OPCML: variants seen among roughly 807,000 people sequenced by gnomAD.
The protein encoded by OPCML is opioid-binding protein/cell adhesion molecule.
In OPCML, 13 loss-of-function variants were observed where a neutral mutation model predicts 37.8. That is an observed-to-expected ratio of 0.34 (90% confidence interval 0.22 to 0.55). OPCML has a LOEUF of 0.55. Among genes scored for constraint, OPCML ranks in the 20% least tolerant of loss-of-function variants. The pLI, the probability that OPCML is intolerant of heterozygous loss-of-function variation, is 0.91. For missense variants in OPCML, 341 were observed against 435.6 expected, an observed-to-expected ratio of 0.78 and a Z score of 1.93; for synonymous variants, 176 against 168.8, an observed-to-expected ratio of 1.04 and a Z score of -0.33.
At chr11:133,494,961 A>T (rs1947750055) in intron 1 of OPCML, among the ~76,000 whole-genome samples, 1 of 152,142 alleles carries the variant, frequency 6.6e-6, no homozygotes, top group Non-Finnish European at 1.5e-5. Flanking sequence ...ATTTGGTTAC[A>T]TGAGTAACTT....
chr11:132,887,010 G>T (rs893145072), intron 2 of OPCML, among the ~76,000 whole-genome samples: 1 of 152,090 alleles, frequency 6.6e-6, no homozygotes, highest in African/African-American at 2.4e-5. Context: ...AAAAAGAGTA[G>T]ATTAAACTAA....
intron 2 of OPCML, among the ~76,000 whole-genome samples, chr11:132,933,824 G>GGTACAA (rs1239471276): frequency 4.6e-4 from 70 of 152,200 alleles, no homozygotes; most frequent in African/African-American, 1.5e-3. Flanking sequence ...AGCACACGGC[G>GGTACAA]GTACAAATTT....
At chr11:133,430,976 G>A (rs1946103869) in intron 1 of OPCML, among the ~76,000 whole-genome samples, 1 of 152,068 alleles carries the variant, frequency 6.6e-6, no homozygotes, top group East Asian at 1.9e-4. Context: ...GAAGTTCATG[G>A]GTTTCGAACG....
At chr11:132,871,843 T>G (rs11824862) in intron 2 of OPCML, among the ~76,000 whole-genome samples, 1,979 of 152,324 alleles carry the variant, frequency 0.013, 50 homozygotes, top group African/African-American at 0.045. Flanking sequence ...AATGTATGTA[T>G]GCCTTTGTTT....
At chr11:133,342,384 T>TA (rs1466768554) in intron 1 of OPCML, among the ~76,000 whole-genome samples, 2 of 152,176 alleles carry the variant, frequency 1.3e-5, no homozygotes, top group Non-Finnish European at 2.9e-5. Context: ...AACAACTTGA[T>TA]AGAGTGCCGC....
intron 3 of OPCML, among the ~76,000 whole-genome samples, chr11:132,605,839 A>G (rs554175133): frequency 4.4e-4 from 67 of 152,354 alleles, no homozygotes; most frequent in African/African-American, 1.6e-3. Flanking sequence ...GAAGAACTCA[A>G]TATACATTGA....
chr11:132,731,451 G>A (rs1372206781), intron 2 of OPCML, among the ~76,000 whole-genome samples: 1 of 152,186 alleles, frequency 6.6e-6, no homozygotes, highest in Non-Finnish European at 1.5e-5. Context: ...ATGTGCCACA[G>A]TGTATTGCCT....
intron 4 of OPCML, among the ~76,000 whole-genome samples, chr11:132,453,346 C>T (rs575593784): frequency 7.2e-5 from 11 of 152,284 alleles, no homozygotes; most frequent in African/African-American, 1.2e-4. Flanking sequence ...AGCTGAGAAA[C>T]CTGCACCAAA....
rs184301561 is a variant in OPCML at position 132,883,099 on chromosome 11, T to C, written c.146+59827A>G. Among the ~76,000 whole-genome samples the C allele has an allele frequency of 3.9e-5, 6 of 152,242 alleles. No individual in the cohort carries two copies. In the East Asian group the frequency reaches 1.2e-3, roughly 29 times the overall value. ...AAATGGTCCGATCTGAGGGGCAAGGTACTCCCGGAAGGAAGAACCTGCACA... is the reference window on the plus strand; with the variant it reads ...AAATGGTCCGATCTGAGGGGCAAGGCACTCCCGGAAGGAAGAACCTGCACA... On this transcript the variant is annotated intron_variant, in intron 2 of 7. Transcript: ENST00000524381.
intron 1 of OPCML, among the ~76,000 whole-genome samples, chr11:133,042,831 A>G (rs1248989018): frequency 6.6e-6 from 1 of 152,132 alleles, no homozygotes; most frequent in Admixed American, 6.5e-5. Context: ...TATTTCTGTC[A>G]TGGGCAAAAT....
At chr11:132,928,877 A>G (rs1365012674) in intron 2 of OPCML, among the ~76,000 whole-genome samples, 1 of 152,058 alleles carries the variant, frequency 6.6e-6, no homozygotes, top group East Asian at 1.9e-4. Flanking sequence ...CAATGAATAA[A>G]AAAACAATTT....
intron 4 of OPCML, among the ~76,000 whole-genome samples, chr11:132,520,371 G>C (rs982325702): frequency 1.3e-5 from 2 of 152,174 alleles, no homozygotes; most frequent in Admixed American, 6.5e-5. Flanking sequence ...CTTTCCATCT[G>C]TTTCCCTCCC....
chr11:133,201,260 A>G (rs1938774316), intron 1 of OPCML, among the ~76,000 whole-genome samples: 1 of 151,714 alleles, frequency 6.6e-6, no homozygotes, highest in Admixed American at 6.6e-5. Context: ...ACAAACCTGC[A>G]CACGTACTCC....
At chr11:133,016,924 G>A (rs1302156838) in intron 1 of OPCML, among the ~76,000 whole-genome samples, 1 of 152,160 alleles carries the variant, frequency 6.6e-6, no homozygotes, top group Non-Finnish European at 1.5e-5. Flanking sequence ...CCCAACTTTA[G>A]GTCTAATAAG....
At chr11:132,942,853 T>G in intron 2 of OPCML, 73 bp downstream of exon 2, 5 of 1,587,904 alleles carry the variant, frequency 3.1e-6, no homozygotes, top group Non-Finnish European at 4.3e-6. Flanking sequence ...TGGAGCCTTC[T>G]GCCCCCTCTT....
chr11:132,596,618 A>G (rs2096492910), intron 3 of OPCML, among the ~76,000 whole-genome samples: 1 of 152,180 alleles, frequency 6.6e-6, no homozygotes, highest in South Asian at 2.1e-4. Context: ...TTTGTAGACA[A>G]CAGATCTAGG....
chr11:133,125,627 G>A (rs1949489875), intron 1 of OPCML, among the ~76,000 whole-genome samples: 1 of 140,562 alleles, frequency 7.1e-6, no homozygotes, highest in Admixed American at 7.5e-5. Flanking sequence ...GTAGTATCTA[G>A]TATATAGTAT....
chr11:132,570,660 T>C (rs1381056055), intron 3 of OPCML, among the ~76,000 whole-genome samples: 3 of 148,692 alleles, frequency 2.0e-5, no homozygotes, highest in Non-Finnish European at 4.5e-5. Context: ...GAAATAATAG[T>C]AAATAAAAAA....
chr11:132,922,694 C>T (rs7946806), intron 2 of OPCML, among the ~76,000 whole-genome samples: 145 of 152,026 alleles, frequency 9.5e-4, no homozygotes, highest in African/African-American at 3.4e-3. Context: ...AAGAGTAAAG[C>T]AAAAAATTGT....
Sources: allele counts gnomAD v4.1 joint callset (sites outside exome capture counted in the v4.1 genomes callset), GRCh38; gene constraint gnomAD v4.1.1; transcripts MANE v1.5; gene names NCBI Gene and HGNC (gene_info 2026-07-23, HGNC 2026-07-21).